Variants in CABLES1 observed in about 807,000 individuals in gnomAD.
CABLES1 encodes the protein CDK5 and ABL1 enzyme substrate 1.
A neutral mutation model predicts 57.8 loss-of-function variants in CABLES1; 36 were observed. That is an observed-to-expected ratio of 0.62 (90% CI 0.48 to 0.82). CABLES1 has a LOEUF of 0.82. Ranked by LOEUF, CABLES1 falls within the 40% of genes least tolerant of loss-of-function variation. CABLES1 has a pLI of 0.00. For missense variants in CABLES1, 767 were observed against 836.6 expected (o/e 0.92, Z 1.03); for synonymous variants, 374 against 363.0 (o/e 1.03, Z -0.35).
At chr18:23,211,749 C>T (rs772887366) in intron 3 of CABLES1, among the ~76,000 whole-genome samples, 4 of 152,266 alleles carry the variant, frequency 2.6e-5, no homozygotes, top group Non-Finnish European at 5.9e-5. Context: ...ACCAACTCGA[C>T]GTGCCTCATC....
intron 3 of CABLES1, among the ~76,000 whole-genome samples, chr18:23,211,028 CG>C (rs947921190): frequency 4.0e-5 from 6 of 151,776 alleles, no homozygotes; most frequent in Admixed American, 3.9e-4. Flanking sequence ...TTTTCTGGAA[CG>C]AGCAGCATGT....
intron 3 of CABLES1, among the ~76,000 whole-genome samples, chr18:23,203,548 A>G (rs987905996): frequency 2.6e-5 from 4 of 152,214 alleles, no homozygotes; most frequent in African/African-American, 9.6e-5. Context: ...CAGTGACTGA[A>G]GTCAAGCTGG....
chr18:23,182,718 C>G (rs922359409), intron 1 of CABLES1, among the ~76,000 whole-genome samples: 1 of 152,228 alleles, frequency 6.6e-6, no homozygotes, highest in South Asian at 2.1e-4. Flanking sequence ...TCCTAACTCT[C>G]GGGCCAGAGC....
Position 23,253,816 on chromosome 18 carries a change from G to C in CABLES1, c.1641G>C (p.Lys547Asn), listed in dbSNP as rs1167204587. The change falls in exon 9 of 10, where the codon AAG becomes AAC. Residue 547 changes from lysine to asparagine, a missense_variant. Lys to Asn is a moderately conservative substitution (Grantham distance 94, BLOSUM62 0). This residue lies in a region of CABLES1 where 529 missense variants were observed against 622.8 expected (regional missense o/e 0.85). Coordinates refer to ENST00000256925, the MANE Select transcript of CABLES1 (RefSeq NM_001100619.3). ...TVAMAFVYFEKLALKGKLNKQ... is the reference protein window; with the variant it reads ...TVAMAFVYFENLALKGKLNKQ... ...CCATGGCCTTCGTCTACTTTGAAAA[G>C]CTCGCCCTCAAGGGGAAACTCAACA... The C allele has an allele frequency of 6.2e-7, 1 of 1,614,120 alleles. No homozygotes were observed. Among genetic ancestry groups the C allele is most frequent in the Non-Finnish European group, 8.5e-7 (1 of 1,180,048 alleles).
intron 4 of CABLES1, among the ~76,000 whole-genome samples, chr18:23,225,193 C>G (rs1428465569): frequency 1.3e-5 from 2 of 152,200 alleles, no homozygotes; most frequent in African/African-American, 4.8e-5. Flanking sequence ...GTTGCTCTTT[C>G]TAGATCTACT....
At chr18:23,215,633 T>C (rs2047436012) in intron 4 of CABLES1, among the ~76,000 whole-genome samples, 1 of 152,214 alleles carries the variant, frequency 6.6e-6, no homozygotes, top group Non-Finnish European at 1.5e-5. Flanking sequence ...GTGCTTGTCA[T>C]GTGACCAGGT....
rs768296463 is a variant in CABLES1, at chr18:23,253,719, CT to C, written c.1554-7del. The C allele has an allele frequency of 1.4e-5, 22 of 1,612,884 alleles. No homozygotes were observed. In the East Asian group the frequency reaches 4.7e-4, roughly 34 times the overall value. ...CACAAGACTGTTCCCTCTTGCCTGT[CT>C]TTCTCCAGTCTGAAACGAGAGATGC... On this transcript the variant is annotated splice_polypyrimidine_tract_variant and intron_variant, in intron 8 of 9. Coordinates refer to ENST00000256925, the MANE Select transcript of CABLES1 (RefSeq NM_001100619.3).
chr18:23,235,640 C>G lies in CABLES1; in HGVS notation c.1186-255C>G, dbSNP rs2047601037. Among the ~76,000 whole-genome samples the G allele has an allele frequency of 2.0e-5, 3 of 152,352 alleles. No homozygotes were observed. The South Asian group carries it at 6.2e-4, about 32-fold the overall frequency. On this transcript the variant is annotated intron_variant, in intron 5 of 9. Transcript: ENST00000256925. ...AGTACCTTATAGTCAAATACATTCA[C>G]ATTTCTTCCATGTAATAGGAATAGT...
At chr18:23,195,637 A>G (rs1598823261) in intron 3 of CABLES1, among the ~76,000 whole-genome samples, 1 of 152,254 alleles carries the variant, frequency 6.6e-6, no homozygotes, top group Non-Finnish European at 1.5e-5. Context: ...TGGTTTCAGA[A>G]TAGCAAAATT....
intron 7 of CABLES1, among the ~76,000 whole-genome samples, chr18:23,241,998 A>G (rs535228809): frequency 2.0e-5 from 3 of 152,186 alleles, no homozygotes; most frequent in Non-Finnish European, 4.4e-5. Flanking sequence ...ATTCCGGGCC[A>G]GGTGCAGTGG....
At chr18:23,235,288 T>G (rs2047595600) in intron 5 of CABLES1, among the ~76,000 whole-genome samples, 1 of 152,228 alleles carries the variant, frequency 6.6e-6, no homozygotes, top group Non-Finnish European at 1.5e-5. Flanking sequence ...TCTTGGGGAA[T>G]CTGTCCCGGG....
At position 23,257,175 on chromosome 18, in the gene CABLES1, C is replaced by G. The variant is rs144194084; in HGVS notation, c.1762-52C>G. On this transcript the variant is annotated intron_variant, in intron 9 of 9. Coordinates refer to ENST00000256925, the MANE Select transcript of CABLES1 (RefSeq NM_001100619.3). ...TAGAGAAGCTGCAATTGCAGAAAGA[C>G]TAGGATTTTAATTTCAAAATGAACA... The G allele has an allele frequency of 3.6e-5, 57 of 1,598,108 alleles. No individual in the cohort carries two copies. The African/African-American group carries it at 7.0e-4, about 20-fold the overall frequency.
At chr18:23,240,619 A>C (rs1431253721) in intron 7 of CABLES1, among the ~76,000 whole-genome samples, 1 of 152,224 alleles carries the variant, frequency 6.6e-6, no homozygotes, top group African/African-American at 2.4e-5. Context: ...TTGGGGAAGG[A>C]GCAGGCTTGT....
rs534439829 is a variant in CABLES1 at position 23,177,800 on chromosome 18, C to A, written c.846-11038C>A. On this transcript the variant is annotated intron_variant, in intron 1 of 9. Transcript: ENST00000256925. Reference sequence around the variant, plus strand: ...ATTAAAACCTTGGCTCTCCCTGGCTCCCCCATGTACTCCACACCTGGTTTG... The same window carrying A: ...ATTAAAACCTTGGCTCTCCCTGGCTACCCCATGTACTCCACACCTGGTTTG... 1.9e-4 allele frequency among the ~76,000 whole-genome samples: 29 copies of A among 152,234 alleles called. No individual in the cohort carries two copies. In the South Asian group the frequency reaches 3.9e-3, roughly 21 times the overall value.
chr18:23,247,865 A>G (rs2047935922), intron 7 of CABLES1, among the ~76,000 whole-genome samples: 1 of 152,224 alleles, frequency 6.6e-6, no homozygotes, highest in South Asian at 2.1e-4. Flanking sequence ...GTGCTGCCAC[A>G]TATTCCCCAC....
At chr18:23,148,382 C>T (rs1020981596) in intron 1 of CABLES1, among the ~76,000 whole-genome samples, 4 of 152,132 alleles carry the variant, frequency 2.6e-5, no homozygotes, top group African/African-American at 4.8e-5. Flanking sequence ...TTGGGTGCTA[C>T]GTGGGTGCCT....
At chr18:23,209,334 C>T (rs2047386956) in intron 3 of CABLES1, among the ~76,000 whole-genome samples, 1 of 152,198 alleles carries the variant, frequency 6.6e-6, no homozygotes, top group South Asian at 2.1e-4. Flanking sequence ...GAACACATCC[C>T]TTGTGGATAA....
At chr18:23,246,552 C>A (rs113326785) in intron 7 of CABLES1, among the ~76,000 whole-genome samples, 1 of 151,118 alleles carries the variant, frequency 6.6e-6, no homozygotes, top group African/African-American at 2.4e-5. Context: ...CCACCACACC[C>A]GGCTAATTTT....
Position 23,260,412 on chromosome 18 carries a change from T to C in CABLES1, c.*3045T>C, listed in dbSNP as rs1418607980. The C allele has an allele frequency of 6.6e-6, 1 of 152,272 alleles. No individual in the cohort carries two copies. Among genetic ancestry groups the C allele is most frequent in the Non-Finnish European group, 1.5e-5 (1 of 68,088 alleles). The allele number at this position is 152,272 out of a possible 1,614,324, so 9.4% of individuals were successfully genotyped here. On this transcript the variant is annotated 3_prime_UTR_variant, in exon 10 of 10. Coordinates refer to ENST00000256925, the MANE Select transcript of CABLES1 (RefSeq NM_001100619.3). ...GAGTAAGGAGCTTCCTTCCCCTCCA[T>C]GTCATTCCTTCCTGTTCCCTTCATT...
Sources: allele counts gnomAD v4.1 joint callset (sites outside exome capture counted in the v4.1 genomes callset), GRCh38; gene constraint gnomAD v4.1.1; regional missense constraint gnomAD v4.1.1; transcripts MANE v1.5; gene names NCBI Gene and HGNC (gene_info 2026-07-23, HGNC 2026-07-21).